Variants in TMEM114 observed in about 807,000 individuals in gnomAD.
TMEM114 encodes claudin-26.
In TMEM114, 6 loss-of-function variants were observed where a neutral mutation model predicts 6.2. The observed-to-expected ratio is 0.97, with a 90% CI of 0.53 to 1.91. TMEM114 has a LOEUF of 1.91. Among genes scored for constraint, TMEM114 ranks in the 40% most tolerant of loss-of-function variants. TMEM114 has a pLI of 0.01. For missense variants in TMEM114, 218 were observed against 158.3 expected, an observed-to-expected ratio of 1.38 and a Z score of -2.02; for synonymous variants, 104 against 73.0, an observed-to-expected ratio of 1.42 and a Z score of -2.16.
intron 2 of TMEM114, among the ~76,000 whole-genome samples, chr16:8,556,603 G>C (rs1901017102): frequency 6.6e-6 from 1 of 152,102 alleles, no homozygotes; most frequent in African/African-American, 2.4e-5. Context: ...CCGAGATCAA[G>C]TGATTCTCCT....
chr16:8,540,549 G>C (rs966204586), intron 2 of TMEM114, among the ~76,000 whole-genome samples: 1 of 152,180 alleles, frequency 6.6e-6, no homozygotes, highest in Non-Finnish European at 1.5e-5. Flanking sequence ...TCCAAGGTTG[G>C]ATAGTCAATG....
chr16:8,563,199 G>A (rs1055148070), intron 2 of TMEM114, among the ~76,000 whole-genome samples: 1 of 151,682 alleles, frequency 6.6e-6, no homozygotes, highest in Non-Finnish European at 1.5e-5. Flanking sequence ...GTGAATGAAT[G>A]AGTGAATGAG....
chr16:8,580,575 A>G (rs1902106833), intron 2 of TMEM114, among the ~76,000 whole-genome samples: 1 of 151,816 alleles, frequency 6.6e-6, no homozygotes, highest in Non-Finnish European at 1.5e-5. Context: ...TCCTTTCCAG[A>G]GTGACCCTCT....
intron 3 of TMEM114, 81 bp downstream of exon 3, chr16:8,572,006 G>A (rs576419180): frequency 6.6e-5 from 93 of 1,419,250 alleles, no homozygotes; most frequent in Admixed American, 5.0e-4. Flanking sequence ...GATCCCCCTC[G>A]TTTGCTGAGG....
intron 2 of TMEM114, among the ~76,000 whole-genome samples, chr16:8,556,923 C>T (rs961254390): frequency 6.6e-6 from 1 of 152,200 alleles, no homozygotes; most frequent in Admixed American, 6.5e-5. Flanking sequence ...AATGTGGCCC[C>T]TGCTGACCGC....
intron 2 of TMEM114, chr16:8,572,445 T>A: frequency 1.7e-6 from 1 of 593,572 alleles, no homozygotes; most frequent in Non-Finnish European, 3.0e-6. Context: ...TGTTGTTTGT[T>A]TTGTTTTTGA....
chr16:8,564,107 A>G (rs1901415818), intron 2 of TMEM114, among the ~76,000 whole-genome samples: 3 of 139,964 alleles, frequency 2.1e-5, no homozygotes, highest in Admixed American at 7.0e-5. Context: ...ATGAGTGAGG[A>G]AATAAGTAAG....
chr16:8,552,147 A>G (rs1900864481), intron 2 of TMEM114, among the ~76,000 whole-genome samples: 1 of 151,914 alleles, frequency 6.6e-6, no homozygotes, highest in African/African-American at 2.4e-5. Context: ...GGCTGAAGCA[A>G]GAGGATCACT....
At chr16:8,558,936 G>C (rs982549329) in intron 2 of TMEM114, among the ~76,000 whole-genome samples, 3 of 151,704 alleles carry the variant, frequency 2.0e-5, no homozygotes, top group African/African-American at 7.3e-5. Flanking sequence ...GTAGAGACGG[G>C]GTTTCACCAT....
the TMEM114 span, among the ~76,000 whole-genome samples, chr16:8,529,575 G>A: frequency 6.6e-6 from 1 of 152,148 alleles, no homozygotes; most frequent in South Asian, 2.1e-4. Flanking sequence ...CCCTTCAGAT[G>A]AACTGAATTG....
At chr16:8,571,682 G>C (rs1219906257) in intron 3 of TMEM114, among the ~76,000 whole-genome samples, 1 of 140,994 alleles carries the variant, frequency 7.1e-6, no homozygotes, top group Non-Finnish European at 1.5e-5. Flanking sequence ...TTGTCTTTCT[G>C]TGCCTGGTCA....
intron 2 of TMEM114, among the ~76,000 whole-genome samples, chr16:8,550,262 T>C (rs551463241): frequency 1.3e-5 from 2 of 152,360 alleles, no homozygotes; most frequent in African/African-American, 4.8e-5. Context: ...CTTCTGGCAA[T>C]AGCCAGAAAT....
intron 2 of TMEM114, among the ~76,000 whole-genome samples, chr16:8,574,733 G>A (rs1361363216): frequency 6.6e-6 from 1 of 152,096 alleles, no homozygotes; most frequent in Non-Finnish European, 1.5e-5. Flanking sequence ...TTCTCGTTCA[G>A]AAATTAATGA....
intron 2 of TMEM114, among the ~76,000 whole-genome samples, chr16:8,562,094 G>GAGTGAATGAGTGAGCGAATAAGTA (rs1901245335): frequency 6.6e-6 from 1 of 151,998 alleles, no homozygotes; most frequent in African/African-American, 2.4e-5. Context: ...ATGAGTGAGT[G>GAGTGAATGAGTGAGCGAATAAGTA]AGTGAATGAG....
chr16:8,556,452 G>A (rs1901011050), intron 2 of TMEM114, among the ~76,000 whole-genome samples: 1 of 152,184 alleles, frequency 6.6e-6, no homozygotes, highest in Non-Finnish European at 1.5e-5. Context: ...GCATGACACT[G>A]TGCATGTACT....
chr16:8,546,641 A>G (rs1269506229), intron 2 of TMEM114, among the ~76,000 whole-genome samples: 1 of 152,114 alleles, frequency 6.6e-6, no homozygotes, highest in East Asian at 1.9e-4. Flanking sequence ...GCTTCCCTAA[A>G]ATTTTTGTCC....
intron 2 of TMEM114, among the ~76,000 whole-genome samples, chr16:8,580,712 A>G (rs1184349658): frequency 6.6e-6 from 1 of 152,112 alleles, no homozygotes; most frequent in Non-Finnish European, 1.5e-5. Flanking sequence ...TGTTTTTGAG[A>G]TAGGGTCTCA....
intron 2 of TMEM114, among the ~76,000 whole-genome samples, chr16:8,584,880 C>T (rs946910652): frequency 3.4e-5 from 5 of 147,414 alleles, no homozygotes; most frequent in African/African-American, 1.3e-4. Flanking sequence ...CGAGATCGCG[C>T]CATTGCACTC....
At chr16:8,527,911 T>G in the TMEM114 span, among the ~76,000 whole-genome samples, 3 of 152,112 alleles carry the variant, frequency 2.0e-5, no homozygotes, top group African/African-American at 7.2e-5. Context: ...TCTTTTTTTA[T>G]TTGTTTGTTT....
Sources: allele counts gnomAD v4.1 joint callset (sites outside exome capture counted in the v4.1 genomes callset), GRCh38; gene constraint gnomAD v4.1.1; transcripts MANE v1.5; gene names NCBI Gene and HGNC (gene_info 2026-07-23, HGNC 2026-07-21).